KLHL1: variants seen among roughly 807,000 people sequenced by gnomAD.
KLHL1 encodes the protein kelch like family member 1.
KLHL1 carries 47 observed loss-of-function variants against 77.7 expected under a neutral mutation model. That is an observed-to-expected ratio of 0.60 (90% CI 0.48 to 0.77). The LOEUF (loss-of-function observed/expected upper bound fraction) is 0.77, where lower values mean the gene tolerates loss of function less well. KLHL1 is among the 30% of genes least tolerant of loss of function. The pLI, the probability that KLHL1 is intolerant of heterozygous loss-of-function variation, is 0.00. For synonymous variants in KLHL1, 360 were observed against 325.2 expected (o/e 1.11, Z -1.15); for missense variants, 925 against 910.8 (o/e 1.02, Z -0.20).
chr13:69,951,024 A>G (rs963471278), intron 3 of KLHL1, among the ~76,000 whole-genome samples: 29 of 151,746 alleles, frequency 1.9e-4, no homozygotes, highest in African/African-American at 7.0e-4. Context: ...TAATATATCA[A>G]CACCTGTGTT....
intron 7 of KLHL1, among the ~76,000 whole-genome samples, 165 bp downstream of exon 7, chr13:69,796,570 TAGA>T (rs1254833486): frequency 6.6e-6 from 1 of 152,202 alleles, no homozygotes; most frequent in African/African-American, 2.4e-5. Flanking sequence ...ATATTCCAGC[TAGA>T]AGAATAGTGA....
At chr13:69,775,539 G>A (rs144584696) in intron 7 of KLHL1, among the ~76,000 whole-genome samples, 3 of 152,042 alleles carry the variant, frequency 2.0e-5, no homozygotes, top group Non-Finnish European at 4.4e-5. Context: ...TTTCTATTAG[G>A]GCTTACATTC....
chr13:69,952,507 G>T (rs1165148198), intron 3 of KLHL1, among the ~76,000 whole-genome samples: 1 of 151,340 alleles, frequency 6.6e-6, no homozygotes, highest in Non-Finnish European at 1.5e-5. Context: ...ACTCATGTAA[G>T]TGCCATTTGG....
intron 1 of KLHL1, among the ~76,000 whole-genome samples, chr13:70,026,754 GAGAGAGAGAC>G (rs1229870306): frequency 6.6e-6 from 1 of 151,626 alleles, no homozygotes; most frequent in Non-Finnish European, 1.5e-5. Flanking sequence ...AAGAGGGAGA[GAGAGAGAGAC>G]AGAGAGAGAT....
intron 4 of KLHL1, among the ~76,000 whole-genome samples, chr13:69,906,566 TATTA>T (rs1652873957): frequency 6.6e-6 from 1 of 152,016 alleles, no homozygotes; most frequent in African/African-American, 2.4e-5. Context: ...ATGGAATACT[TATTA>T]ATTATGAGAG....
chr13:69,996,217 C>T (rs1035035112), intron 1 of KLHL1, among the ~76,000 whole-genome samples: 4 of 152,024 alleles, frequency 2.6e-5, no homozygotes, highest in Admixed American at 6.6e-5. Flanking sequence ...GCAGGAGAAT[C>T]GCTTGAACCA....
intron 2 of KLHL1, among the ~76,000 whole-genome samples, chr13:69,968,360 A>AAT (rs1052613225): frequency 2.5e-4 from 38 of 149,850 alleles, no homozygotes; most frequent in African/African-American, 8.5e-4. Context: ...AATATAAACA[A>AAT]ATATATATAT....
In KLHL1 at chr13:69,750,436, G is replaced by C. The variant is rs113230792; in HGVS notation, c.1640-9880C>G. Among the ~76,000 whole-genome samples the C allele has an allele frequency of 1.3e-4, 19 of 151,234 alleles. 1 individual carries two copies. Among genetic ancestry groups the C allele is most frequent in the African/African-American group, 4.6e-4 (19 of 41,332 alleles). ...TAACTTGCATATTAAGGAAAGAAAT[G>C]GATAAGTAAAATTATACATATTTTA... On this transcript the variant is annotated intron_variant, in intron 7 of 10. Transcript: ENST00000377844.
chr13:69,722,935 T>C (rs1593773790), intron 8 of KLHL1, among the ~76,000 whole-genome samples: 1 of 151,996 alleles, frequency 6.6e-6, no homozygotes, highest in Non-Finnish European at 1.5e-5. Flanking sequence ...CAACAATGGA[T>C]AAATGGATAA....
At chr13:69,751,080 C>A (rs1284580621) in intron 7 of KLHL1, among the ~76,000 whole-genome samples, 1 of 150,162 alleles carries the variant, frequency 6.7e-6, no homozygotes, top group Non-Finnish European at 1.5e-5. Context: ...ACTCTACAAG[C>A]CTCTAATATC....
chr13:69,868,027 G>C (rs1339330955), intron 5 of KLHL1, among the ~76,000 whole-genome samples: 1 of 150,560 alleles, frequency 6.6e-6, no homozygotes, highest in Non-Finnish European at 1.5e-5. Context: ...AAAATAATAA[G>C]TTTTGATAAT....
At chr13:69,778,548 T>C (rs76051615) in intron 7 of KLHL1, among the ~76,000 whole-genome samples, 17,675 of 152,140 alleles carry the variant, frequency 0.12, 1,210 homozygotes, top group African/African-American at 0.19. Context: ...AGTTCTTGAT[T>C]GTACAAGAGA....
intron 7 of KLHL1, among the ~76,000 whole-genome samples, chr13:69,743,619 C>T (rs937222596): frequency 2.0e-5 from 3 of 151,838 alleles, no homozygotes; most frequent in Non-Finnish European, 4.4e-5. Context: ...AATCTCGTCT[C>T]TACTAAAAAT....
At chr13:70,013,119 A>G (rs7326114) in intron 1 of KLHL1, among the ~76,000 whole-genome samples, 35,377 of 152,040 alleles carry the variant, frequency 0.23, 4,578 homozygotes, top group East Asian at 0.55. Context: ...AGTACATCAA[A>G]TTCTGGCACT....
chr13:70,056,878 A>C (rs1394041857), intron 1 of KLHL1, among the ~76,000 whole-genome samples: 1 of 152,146 alleles, frequency 6.6e-6, no homozygotes, highest in Non-Finnish European at 1.5e-5. Flanking sequence ...GGAAAAAAAC[A>C]AAACAACTTA....
chr13:70,018,699 A>C (rs1885717682), intron 1 of KLHL1, among the ~76,000 whole-genome samples: 1 of 149,910 alleles, frequency 6.7e-6, no homozygotes, highest in African/African-American at 2.5e-5. Flanking sequence ...TCCAAAAGGC[A>C]AATAAAGGGT....
At chr13:69,891,250 A>G (rs534791744) in intron 4 of KLHL1, among the ~76,000 whole-genome samples, 1 of 152,206 alleles carries the variant, frequency 6.6e-6, no homozygotes, top group African/African-American at 2.4e-5. Flanking sequence ...TTAATTCTAT[A>G]GCACCCACTA....
At chr13:69,881,647 T>C (rs1240809029) in intron 5 of KLHL1, among the ~76,000 whole-genome samples, 1 of 152,172 alleles carries the variant, frequency 6.6e-6, no homozygotes, top group Admixed American at 6.5e-5. Flanking sequence ...TTCTTCTAAG[T>C]TGAGTGAACT....
At chr13:69,843,705 A>T (rs554070933) in intron 5 of KLHL1, among the ~76,000 whole-genome samples, 1 of 151,910 alleles carries the variant, frequency 6.6e-6, no homozygotes, top group Non-Finnish European at 1.5e-5. Flanking sequence ...CCAAAGTACA[A>T]GATTGATTAA....
Sources: gnomAD v4.1 joint callset for allele counts (sites outside exome capture counted in the v4.1 genomes callset) on GRCh38, gnomAD v4.1.1 for gene constraint, MANE v1.5 for transcripts, NCBI Gene and HGNC (gene_info 2026-07-23, HGNC 2026-07-21) for gene names.